ATOSA: variants seen among roughly 807,000 people sequenced by gnomAD.
ATOSA encodes atos homolog protein A.
the ATOSA span, among the ~76,000 whole-genome samples, chr15:52,614,785 T>C: frequency 6.6e-6 from 1 of 151,788 alleles, no homozygotes; most frequent in African/African-American, 2.4e-5. Flanking sequence ...GAGATGGAGG[T>C]TGCGGTGAGC....
At chr15:52,702,384 A>G in the ATOSA span, among the ~76,000 whole-genome samples, 6 of 152,236 alleles carry the variant, frequency 3.9e-5, no homozygotes, top group Admixed American at 6.5e-5. Flanking sequence ...GAGCTGGATA[A>G]AGAAAATGTG....
chr15:52,668,194 C>T, the ATOSA span, among the ~76,000 whole-genome samples: 6 of 152,072 alleles, frequency 3.9e-5, no homozygotes, highest in East Asian at 9.6e-4. Flanking sequence ...CACACACGTG[C>T]GCACACACAT....
At chr15:52,668,316 T>C in the ATOSA span, among the ~76,000 whole-genome samples, 6 of 152,134 alleles carry the variant, frequency 3.9e-5, no homozygotes, top group African/African-American at 7.2e-5. Flanking sequence ...GAAAGACACA[T>C]ACTGCATGAT....
At chr15:52,609,803 G>T in the ATOSA span, 9 of 1,613,258 alleles carry the variant, frequency 5.6e-6, no homozygotes, top group Non-Finnish European at 7.6e-6. Flanking sequence ...ATGATTTCTT[G>T]CCGCTCCTGA....
the ATOSA span, among the ~76,000 whole-genome samples, chr15:52,672,172 C>CA: frequency 6.4e-3 from 401 of 62,544 alleles, 15 homozygotes; most frequent in African/African-American, 0.021. Context: ...CCCCATTTCT[C>CA]AAAAAAAAAA....
At chr15:52,708,978 C>T in the ATOSA span, among the ~76,000 whole-genome samples, 5 of 152,066 alleles carry the variant, frequency 3.3e-5, no homozygotes, top group Non-Finnish European at 7.4e-5. Context: ...TTCAGAGAAG[C>T]TGGCTGATGT....
At chr15:52,652,112 T>C in the ATOSA span, 1 of 1,382,294 alleles carries the variant, frequency 7.2e-7, no homozygotes, top group Non-Finnish European at 9.4e-7. Context: ...GGACAGAGGG[T>C]GTGCTCAACC....
At chr15:52,657,624 AACCACTTC>A in the ATOSA span, 2 of 152,192 alleles carry the variant, frequency 1.3e-5, no homozygotes, top group African/African-American at 2.4e-5. Context: ...TGCCTGGCAC[AACCACTTC>A]ACTCAGATTA....
At chr15:52,660,485 C>A in the ATOSA span, among the ~76,000 whole-genome samples, 1 of 152,174 alleles carries the variant, frequency 6.6e-6, no homozygotes, top group African/African-American at 2.4e-5. Context: ...AGGGGCCTTA[C>A]CTAACCAAAG....
At chr15:52,610,549 C>T in the ATOSA span, among the ~76,000 whole-genome samples, 1 of 152,108 alleles carries the variant, frequency 6.6e-6, no homozygotes, top group African/African-American at 2.4e-5. Context: ...TCTGATAAAA[C>T]CAATGTAAGT....
the ATOSA span, among the ~76,000 whole-genome samples, chr15:52,652,763 C>T: frequency 6.6e-6 from 1 of 152,116 alleles, no homozygotes; most frequent in Non-Finnish European, 1.5e-5. Context: ...AGAACAATGA[C>T]GTTTAGCTTA....
the ATOSA span, among the ~76,000 whole-genome samples, chr15:52,683,867 C>G: frequency 6.6e-6 from 1 of 152,184 alleles, no homozygotes. Flanking sequence ...TACATGAGAT[C>G]CCTCCCCAAC....
At chr15:52,649,823 A>C in the ATOSA span, 26 of 152,194 alleles carry the variant, frequency 1.7e-4, no homozygotes, top group African/African-American at 6.3e-4. Flanking sequence ...CAGATGCTCC[A>C]GTATATAAAA....
the ATOSA span, among the ~76,000 whole-genome samples, chr15:52,665,969 T>G: frequency 6.6e-6 from 1 of 152,050 alleles, no homozygotes; most frequent in African/African-American, 2.4e-5. Flanking sequence ...GTATATATGG[T>G]TTAATTAAAA....
the ATOSA span, among the ~76,000 whole-genome samples, chr15:52,645,500 A>C: frequency 2.0e-5 from 3 of 152,164 alleles, no homozygotes; most frequent in Non-Finnish European, 4.4e-5. Flanking sequence ...GAGTAGATCA[A>C]GGTGCTATGG....
At chr15:52,681,372 T>C in the ATOSA span, among the ~76,000 whole-genome samples, 1 of 152,224 alleles carries the variant, frequency 6.6e-6, no homozygotes, top group Non-Finnish European at 1.5e-5. Flanking sequence ...GGTCACTACT[T>C]TCAAGGAGCT....
the ATOSA span, chr15:52,605,202 A>C: frequency 6.2e-7 from 1 of 1,611,458 alleles, no homozygotes; most frequent in Non-Finnish European, 8.5e-7. Context: ...CCAAGGAATG[A>C]AAATTATGTT....
chr15:52,604,605 C>T, the ATOSA span, among the ~76,000 whole-genome samples: 1 of 152,164 alleles, frequency 6.6e-6, no homozygotes, highest in Admixed American at 6.5e-5. Context: ...TAGACATTAT[C>T]ATCCTGATTT....
chr15:52,593,193 A>G, the ATOSA span, among the ~76,000 whole-genome samples: 7 of 152,046 alleles, frequency 4.6e-5, no homozygotes, highest in Non-Finnish European at 1.0e-4. Flanking sequence ...CCAAAGACAA[A>G]CCAAACCGAA....
Sources: allele counts gnomAD v4.1 joint callset (sites outside exome capture counted in the v4.1 genomes callset), GRCh38; gene constraint gnomAD v4.1.1; transcripts MANE v1.5; gene names NCBI Gene and HGNC (gene_info 2026-07-23, HGNC 2026-07-21).